The following ATP11B variants were observed in gnomAD, a reference collection of about 807,000 sequenced individuals.
The protein encoded by ATP11B is phospholipid-transporting ATPase IF.
Under a neutral mutation model 157.8 loss-of-function variants are expected in ATP11B, and 81 were observed. The observed-to-expected ratio is 0.51, with a 90% CI of 0.43 to 0.62. The LOEUF is 0.62. Ranked by LOEUF, ATP11B falls within the 20% of genes least tolerant of loss-of-function variation. The probability of loss-of-function intolerance (pLI) is 0.00; values close to 1 mark genes in which losing one functional copy is unlikely to be tolerated. For missense variants in ATP11B, 1,165 were observed against 1,402.2 expected, an observed-to-expected ratio of 0.83 and a Z score of 2.70; for synonymous variants, 451 against 469.4, an observed-to-expected ratio of 0.96 and a Z score of 0.51.
At chr3:182,873,362 C>T (rs932839385) in intron 18 of ATP11B, among the ~76,000 whole-genome samples, 9 of 152,102 alleles carry the variant, frequency 5.9e-5, no homozygotes, top group East Asian at 1.9e-4. Flanking sequence ...GTTGTCCTTA[C>T]GAGATTTCTG....
At chr3:182,876,945 C>T (rs1410757484) in intron 19 of ATP11B, among the ~76,000 whole-genome samples, 1 of 152,200 alleles carries the variant, frequency 6.6e-6, no homozygotes, top group Non-Finnish European at 1.5e-5. Context: ...TCAATAGGCC[C>T]ATTCATTCAC....
At chr3:182,809,708 C>T (rs1716536915) in intron 1 of ATP11B, among the ~76,000 whole-genome samples, 1 of 152,142 alleles carries the variant, frequency 6.6e-6, no homozygotes, top group Non-Finnish European at 1.5e-5. Flanking sequence ...CTAGTTGTCT[C>T]ACATTTAAAA....
In ATP11B at chr3:182,901,531, A is replaced by G. The variant is rs80344448; in HGVS notation, c.3318+2759A>G. On this transcript the variant is annotated intron_variant, in intron 28 of 29. Coordinates refer to ENST00000323116, the MANE Select transcript of ATP11B (RefSeq NM_014616.3). ...TCAATGAGCATTTTCTTTGAGCATC[A>G]TGTCTGCACTCAAAAAGTTTCAGAT... Among the ~76,000 whole-genome samples, 102 of 152,250 alleles carry G rather than the reference A, an allele frequency of 6.7e-4. 2 individuals carry two copies. The East Asian group carries it at 0.015, about 22-fold the overall frequency.
At chr3:182,879,700 A>T in intron 20 of ATP11B, 51 bp downstream of exon 20, 2 of 1,493,120 alleles carry the variant, frequency 1.3e-6, no homozygotes, top group Non-Finnish European at 1.8e-6. Flanking sequence ...AGATATAAAC[A>T]TATTATTTAA....
chr3:182,902,516 C>T, intron 28 of ATP11B: 1 of 1,289,516 alleles, frequency 7.8e-7, no homozygotes, highest in African/African-American at 1.5e-5. Context: ...GTGACGAGTT[C>T]ATCGCACTGC....
At chr3:182,831,846 A>C (rs1194577303) in intron 4 of ATP11B, among the ~76,000 whole-genome samples, 1 of 152,030 alleles carries the variant, frequency 6.6e-6, no homozygotes. Flanking sequence ...TTTATCCGTC[A>C]CTTTCATTTG....
chr3:182,832,984 G>T (rs930663069), intron 4 of ATP11B, among the ~76,000 whole-genome samples: 1 of 151,514 alleles, frequency 6.6e-6, no homozygotes. Context: ...TTCAAGTAAG[G>T]GTCATATTTC....
At chr3:182,900,522 T>G (rs1214223547) in intron 28 of ATP11B, among the ~76,000 whole-genome samples, 1 of 152,158 alleles carries the variant, frequency 6.6e-6, no homozygotes, top group African/African-American at 2.4e-5. Flanking sequence ...TATATCAGTG[T>G]GGACAGACTT....
intron 1 of ATP11B, among the ~76,000 whole-genome samples, chr3:182,794,607 A>T (rs1364695363): frequency 6.6e-6 from 1 of 152,148 alleles, no homozygotes; most frequent in African/African-American, 2.4e-5. Flanking sequence ...CACCAACAAA[A>T]AATCTTAGAA....
rs536490605 is a variant in ATP11B, at chr3:182,920,100, A to G, written c.*1996A>G. On this transcript the variant is annotated 3_prime_UTR_variant, in exon 30 of 30. Coordinates refer to ENST00000323116, the MANE Select transcript of ATP11B (RefSeq NM_014616.3). Reference sequence around the variant, plus strand: ...ACATGACCGTGTTTATTTGCCATCAAATAAACTGAGTACTGACACCAGACA... The same window carrying G: ...ACATGACCGTGTTTATTTGCCATCAGATAAACTGAGTACTGACACCAGACA... The G allele has an allele frequency of 1.3e-5, 2 of 152,326 alleles. No individual in the cohort carries two copies. Among genetic ancestry groups the G allele is most frequent in the African/African-American group, 2.4e-5 (1 of 41,574 alleles). 9.4% of individuals were successfully genotyped at this position (152,326 alleles called of 1,614,324 possible).
intron 21 of ATP11B, among the ~76,000 whole-genome samples, chr3:182,883,681 C>T (rs553903583): frequency 8.6e-5 from 13 of 150,556 alleles, no homozygotes; most frequent in Admixed American, 5.3e-4. Flanking sequence ...CTAGGCCGGG[C>T]GCGGTGGCTC....
At chr3:182,796,257 A>T (rs1409981623) in intron 1 of ATP11B, among the ~76,000 whole-genome samples, 1 of 152,204 alleles carries the variant, frequency 6.6e-6, no homozygotes, top group Non-Finnish European at 1.5e-5. Flanking sequence ...ACACTAAGAA[A>T]ATTCTCTTAT....
Position 182,902,167 on chromosome 3 carries a change from A to G in ATP11B, c.3318+3395A>G, listed in dbSNP as rs751740993. Among the ~76,000 whole-genome samples, 59 of 152,344 alleles carry G rather than the reference A, an allele frequency of 3.9e-4. 1 individual carries two copies. Among genetic ancestry groups the G allele is most frequent in the Middle Eastern group, 3.4e-3 (1 of 294 alleles). On this transcript the variant is annotated intron_variant, in intron 28 of 29. Coordinates refer to ENST00000323116, the MANE Select transcript of ATP11B (RefSeq NM_014616.3). ...GATTTCAAATGATGGAGAAATGGCT[A>G]GAAAGCTATCAGCTACTTCATTGTT...
rs1180704113 is a variant in ATP11B at position 182,841,101 on chromosome 3, C to T, written c.657-974C>T. ...CTTGAACATACCATGTCTACTCCCACCTGGTCACTAGACCTAGCCCTTGTC... is the reference window on the plus strand; with the variant it reads ...CTTGAACATACCATGTCTACTCCCATCTGGTCACTAGACCTAGCCCTTGTC... On this transcript the variant is annotated intron_variant, in intron 7 of 29. Coordinates refer to ENST00000323116, the MANE Select transcript of ATP11B (RefSeq NM_014616.3). Among the ~76,000 whole-genome samples the T allele has an allele frequency of 4.5e-4, 69 of 152,162 alleles. 1 individual carries two copies. Among genetic ancestry groups the T allele is most frequent in the Admixed American group, 4.4e-3 (67 of 15,280 alleles).
At chr3:182,810,004 G>A (rs1198450568) in intron 1 of ATP11B, among the ~76,000 whole-genome samples, 1 of 152,116 alleles carries the variant, frequency 6.6e-6, no homozygotes, top group African/African-American at 2.4e-5. Context: ...TAAATGAGCT[G>A]CTTTTTGAAA....
At chr3:182,914,281 A>G (rs1298161550) in intron 29 of ATP11B, 5 of 1,131,418 alleles carry the variant, frequency 4.4e-6, no homozygotes, top group African/African-American at 1.6e-5. Context: ...GAGTGTGTTT[A>G]TGGTACTCTT....
In ATP11B at chr3:182,921,588, T is replaced by A. The variant is rs1451662964; in HGVS notation, c.*3484T>A. 6.6e-6 allele frequency: 1 copy of A among 152,226 alleles called. No individual in the cohort carries two copies. Among genetic ancestry groups the A allele is most frequent in the Non-Finnish European group, 1.5e-5 (1 of 68,042 alleles). The allele number at this position is 152,226 out of a possible 1,614,324, so 9.4% of individuals were successfully genotyped here. A position where few individuals can be genotyped will look rare whatever the true frequency, so the allele number is the denominator to read the frequency against. On this transcript the variant is annotated 3_prime_UTR_variant, in exon 30 of 30. Coordinates refer to ENST00000323116, the MANE Select transcript of ATP11B (RefSeq NM_014616.3). Reference sequence around the variant, plus strand: ...TACAGCTACTCATAATTTTTTAAAGTTTATGAAGTTATATTTATCAAATAA... The same window carrying A: ...TACAGCTACTCATAATTTTTTAAAGATTATGAAGTTATATTTATCAAATAA...
At chr3:182,826,137 C>T (rs190450597) in intron 2 of ATP11B, among the ~76,000 whole-genome samples, 3 of 152,300 alleles carry the variant, frequency 2.0e-5, no homozygotes, top group South Asian at 2.1e-4. Flanking sequence ...TTCTCCCTCT[C>T]TATACAATAG....
At chr3:182,894,817 T>C (rs898101182) in intron 25 of ATP11B, among the ~76,000 whole-genome samples, 4 of 151,886 alleles carry the variant, frequency 2.6e-5, no homozygotes, top group African/African-American at 9.7e-5. Flanking sequence ...GGTCCCCGGT[T>C]GCATCAAAGT....
Sources: allele counts gnomAD v4.1 joint callset (sites outside exome capture counted in the v4.1 genomes callset), GRCh38; gene constraint gnomAD v4.1.1; transcripts MANE v1.5; gene names NCBI Gene and HGNC (gene_info 2026-07-23, HGNC 2026-07-21).